MFSD1: variants seen among roughly 807,000 people sequenced by gnomAD.
MFSD1 encodes lysosomal dipeptide transporter MFSD1.
A neutral mutation model predicts 67.1 loss-of-function variants in MFSD1; 59 were observed. The ratio of observed to expected loss-of-function variants is 0.88; its 90% CI spans 0.71 to 1.09. The LOEUF is 1.09. MFSD1 is among the 50% of genes least tolerant of loss of function. The probability of loss-of-function intolerance (pLI) is 0.00; values close to 1 mark genes in which losing one functional copy is unlikely to be tolerated. For synonymous variants in MFSD1, 213 were observed against 200.3 expected, an observed-to-expected ratio of 1.06 and a Z score of -0.54; for missense variants, 552 against 566.1, an observed-to-expected ratio of 0.97 and a Z score of 0.25.
At position 158,829,182 on chromosome 3, in the gene MFSD1, A is replaced by G; in HGVS notation, c.*200A>G. 2.5e-6 allele frequency: 1 copy of G among 406,398 alleles called. No individual in the cohort carries two copies. The highest frequency in any genetic ancestry group is 4.3e-6 in the Non-Finnish European group (1 of 232,916). 25.2% of individuals were successfully genotyped at this position (406,398 alleles called of 1,614,324 possible). ...CTTTTGTATTGTGTGTTGCTAAAGA[A>G]TTCTACTTTTAGTAGGCTAATCAAC... On this transcript the variant is annotated 3_prime_UTR_variant, in exon 16 of 16. Transcript: ENST00000415822.
rs1344513267 is a variant in MFSD1 at position 158,802,070 on chromosome 3, T to C, written c.-83T>C. The C allele has an allele frequency of 6.4e-7, 1 of 1,560,984 alleles. No homozygotes were observed. Among genetic ancestry groups the C allele is most frequent in the East Asian group, 2.3e-5 (1 of 42,984 alleles). On this transcript the variant is annotated 5_prime_UTR_variant, in exon 1 of 16. Transcript: ENST00000415822. Reference sequence around the variant, plus strand: ...AGCTCCCGGAGTCATGTGACCGCCGTCTTGACAGTGTTCCACGGGCGCTGC... The same window carrying C: ...AGCTCCCGGAGTCATGTGACCGCCGCCTTGACAGTGTTCCACGGGCGCTGC...
chr3:158,804,225 A>G (rs560645878), intron 1 of MFSD1, 94 bp from the exon 2 acceptor site: 1 of 798,402 alleles, frequency 1.3e-6, no homozygotes, highest in Non-Finnish European at 2.0e-6. Context: ...AACCCGTAGT[A>G]TCAGCATTTA....
chr3:158,805,144 C>A (rs548510525), intron 2 of MFSD1, among the ~76,000 whole-genome samples: 1 of 152,236 alleles, frequency 6.6e-6, no homozygotes, highest in East Asian at 1.9e-4. Context: ...TCAAGAAGTT[C>A]CCAGGGTTCC....
intron 11 of MFSD1, 143 bp from the exon 12 acceptor site, chr3:158,823,285 A>T: frequency 1.5e-6 from 1 of 649,444 alleles, no homozygotes; most frequent in Non-Finnish European, 2.8e-6. Flanking sequence ...TATATTTTGA[A>T]TACGAATTTT....
chr3:158,827,976 G>GAGAGAGAGAGAGAGAGAGAGAGAGAC (rs1553759912), intron 15 of MFSD1, among the ~76,000 whole-genome samples: 11 of 78,898 alleles, frequency 1.4e-4, no homozygotes, highest in South Asian at 5.5e-4. Flanking sequence ...GAGAGAGAGA[G>GAGAGAGAGAGAGAGAGAGAGAGAGAC]AGACAGAGAT....
intron 3 of MFSD1, 37 bp downstream of exon 3, chr3:158,805,511 G>C (rs376101757): frequency 7.1e-7 from 1 of 1,416,126 alleles, no homozygotes; most frequent in African/African-American, 1.4e-5. Context: ...AATCTTACCT[G>C]ATTGTTAGAA....
At chr3:158,803,341 C>T (rs749217935) in intron 1 of MFSD1, among the ~76,000 whole-genome samples, 1 of 152,072 alleles carries the variant, frequency 6.6e-6, no homozygotes, top group Non-Finnish European at 1.5e-5. Flanking sequence ...CTTTGGTTTC[C>T]TTGCAACTCC....
At position 158,827,270 on chromosome 3, in the gene MFSD1, T is replaced by C. The variant is rs746810256; in HGVS notation, c.1337-10T>C. 1 of 1,529,682 alleles carries C rather than the reference T, an allele frequency of 6.5e-7. No individual in the cohort carries two copies. Among genetic ancestry groups the C allele is most frequent in the Admixed American group, 2.1e-5 (1 of 46,948 alleles). 94.8% of individuals were successfully genotyped at this position (1,529,682 alleles called of 1,614,324 possible). Reference sequence around the variant, plus strand: ...TATATGGAAAAGATCTATGTTTATTTGTGTTTTAGGTGGGAACCTAAATTA... The same window carrying C: ...TATATGGAAAAGATCTATGTTTATTCGTGTTTTAGGTGGGAACCTAAATTA... On this transcript the variant is annotated splice_polypyrimidine_tract_variant and intron_variant, in intron 14 of 15. Coordinates refer to ENST00000415822, the MANE Select transcript of MFSD1 (RefSeq NM_022736.4).
chr3:158,811,300 CTTAG>C (rs1345050380), intron 6 of MFSD1, among the ~76,000 whole-genome samples: 1 of 152,194 alleles, frequency 6.6e-6, no homozygotes, highest in East Asian at 1.9e-4. Flanking sequence ...TTTTCACATC[CTTAG>C]TTAAAGGCAA....
chr3:158,808,750 G>T (rs961918900), intron 5 of MFSD1, among the ~76,000 whole-genome samples: 2 of 152,030 alleles, frequency 1.3e-5, no homozygotes, highest in African/African-American at 4.8e-5. Context: ...TAGTGTCTGG[G>T]GCCTCAGCTG....
chr3:158,805,571 T>A, intron 3 of MFSD1, 97 bp downstream of exon 3: 1 of 917,598 alleles, frequency 1.1e-6, no homozygotes. Context: ...AATAAACTTC[T>A]GTATTAACTA....
chr3:158,819,697 A>G lies in MFSD1; in HGVS notation c.701A>G (p.Tyr234Cys). 6.2e-7 allele frequency: 1 copy of G among 1,608,924 alleles called. No individual in the cohort carries two copies. The highest frequency in any genetic ancestry group is 8.5e-7 in the Non-Finnish European group (1 of 1,177,176). The change falls in exon 8 of 16, where the codon TAC (tyrosine) becomes TGC (cysteine). Residue 234 changes from tyrosine (Y) to cysteine (C), a missense_variant. By Grantham distance (194) the Tyr-to-Cys change is radical. Coordinates refer to ENST00000415822, the MANE Select transcript of MFSD1 (RefSeq NM_022736.4). ...LSLICALALA[Y>C]LDQRAERILH... is the part of the protein sequence containing the mutation. ...CTAATCTGTGCCTTGGCTCTTGCCT[A>G]CTTGGATCAGAGAGCAGAGAGAATC...
At position 158,820,248 on chromosome 3, in the gene MFSD1, TCTC is replaced by T. The variant is rs776723743; in HGVS notation, c.788_790del (p.Ser263del). 125 of 1,610,914 alleles carry T rather than the reference TCTC, an allele frequency of 7.8e-5. No individual in the cohort carries two copies. Among genetic ancestry groups the T allele is most frequent in the Admixed American group, 5.0e-4 (30 of 60,006 alleles). ...ATTAAATTAACTGATGTAAAGGACT[TCTC>T]CTTACCCCTGTGGCTTATATTTATC... On this transcript the variant is annotated inframe_deletion, in exon 9 of 16. Transcript: ENST00000415822.
intron 7 of MFSD1, 155 bp from the exon 8 acceptor site, chr3:158,819,494 T>C (rs906265058): frequency 4.0e-6 from 2 of 493,990 alleles, no homozygotes; most frequent in Non-Finnish European, 7.1e-6. Context: ...TCCTCTTTTG[T>C]CCCGATTTAG....
chr3:158,827,931 A>AGC (rs1731081963), intron 15 of MFSD1, among the ~76,000 whole-genome samples: 1 of 18,976 alleles, frequency 5.3e-5, no homozygotes, highest in East Asian at 1.1e-3. Flanking sequence ...AGAGAGAGAG[A>AGC]GAGAGAGAGA....
chr3:158,825,995 C>T lies in MFSD1; in HGVS notation c.1289-20C>T. 1.2e-6 allele frequency: 2 copies of T among 1,602,760 alleles called. No homozygotes were observed. The highest frequency in any genetic ancestry group is 1.7e-6 in the Non-Finnish European group (2 of 1,170,210). On this transcript the variant is annotated intron_variant, in intron 13 of 15. Transcript: ENST00000415822. Reference sequence around the variant, plus strand: ...AGAAGAAATACATATTTTAAGGGCCCTATGTTTTTTCACTCCTAGTGTCAC... The same window carrying T: ...AGAAGAAATACATATTTTAAGGGCCTTATGTTTTTTCACTCCTAGTGTCAC...
At position 158,809,171 on chromosome 3, in the gene MFSD1, A is replaced by AT; in HGVS notation, c.441-3dup. 7.5e-7 allele frequency: 1 copy of AT among 1,329,022 alleles called. No homozygotes were observed. The allele number at this position is 1,329,022 out of a possible 1,614,324, so 82.3% of individuals were successfully genotyped here. On this transcript the variant is annotated splice_polypyrimidine_tract_variant and splice_region_variant and intron_variant, in intron 5 of 15. Coordinates refer to ENST00000415822, the MANE Select transcript of MFSD1 (RefSeq NM_022736.4). ...ACTTCTGGTTTTTTTTTTTTTTTCT[A>AT]TTTTTAGGATTGGTGGCGAGTCCTT...
chr3:158,826,612 T>C (rs1294473871), intron 14 of MFSD1, among the ~76,000 whole-genome samples: 1 of 151,784 alleles, frequency 6.6e-6, no homozygotes, highest in East Asian at 1.9e-4. Flanking sequence ...ATAATATATA[T>C]GCTGTGTAAA....
At chr3:158,807,725 G>C (rs1426010738) in intron 5 of MFSD1, among the ~76,000 whole-genome samples, 1 of 152,190 alleles carries the variant, frequency 6.6e-6, no homozygotes, top group African/African-American at 2.4e-5. Context: ...CATTTTGCCT[G>C]TTCTGTTGTA....
Sources: gnomAD v4.1 joint callset for allele counts (sites outside exome capture counted in the v4.1 genomes callset) on GRCh38, gnomAD v4.1.1 for gene constraint, MANE v1.5 for transcripts, NCBI Gene and HGNC (gene_info 2026-07-23, HGNC 2026-07-21) for gene names.